AFF2: variants seen among roughly 807,000 people sequenced by gnomAD.
The protein encoded by AFF2 is AF4/FMR2 family member 2.
AFF2 carries 14 observed loss-of-function variants against 76.9 expected under a neutral mutation model. The observed-to-expected ratio is 0.18, with a 90% CI of 0.12 to 0.28. The LOEUF is 0.28. Ranked by LOEUF, AFF2 falls within the 10% of genes least tolerant of loss-of-function variation. The pLI, the probability that AFF2 is intolerant of heterozygous loss-of-function variation, is 1.00. For synonymous variants in AFF2, 398 were observed against 366.7 expected (o/e 1.09, Z -0.98); for missense variants, 868 against 1,001.1 (o/e 0.87, Z 1.79).
chrX:148,688,170 G>C (rs1557260481), intron 3 of AFF2, among the ~76,000 whole-genome samples: 1 of 111,200 alleles, frequency 9.0e-6, no homozygotes, highest in Non-Finnish European at 1.9e-5. Context: ...TTCTGCTGCT[G>C]GTTTTCTTAC....
intron 1 of AFF2, among the ~76,000 whole-genome samples, chrX:148,521,414 A>ACACACACACACT (rs782717428): frequency 9.7e-6 from 1 of 103,104 alleles, no homozygotes; most frequent in African/African-American, 3.6e-5. Flanking sequence ...ACACACACTC[A>ACACACACACACT]CTGAGACTTT....
intron 1 of AFF2, among the ~76,000 whole-genome samples, chrX:148,645,822 G>A (rs1366295917): frequency 1.8e-5 from 2 of 112,126 alleles, no homozygotes; most frequent in African/African-American, 3.2e-5. Flanking sequence ...ACCTTAAGGA[G>A]GGAAAAGTCT....
chrX:148,856,436 G>A (rs1169693028), intron 7 of AFF2, among the ~76,000 whole-genome samples: 1 of 111,370 alleles, frequency 9.0e-6, no homozygotes, highest in Non-Finnish European at 1.9e-5. Flanking sequence ...AGTAATGATG[G>A]ATTCATTACT....
At chrX:148,922,948 T>A (rs1557283384) in intron 9 of AFF2, among the ~76,000 whole-genome samples, 1 of 112,157 alleles carries the variant, frequency 8.9e-6, no homozygotes, top group Non-Finnish European at 1.9e-5. Context: ...CAAGATGTAT[T>A]CTCTTACTTC....
chrX:148,790,560 C>A (rs1400051945), intron 3 of AFF2, among the ~76,000 whole-genome samples: 3 of 110,680 alleles, frequency 2.7e-5, no homozygotes, highest in Non-Finnish European at 5.7e-5. Context: ...GAGTTGGAAG[C>A]CATTATCCTC....
At chrX:148,577,977 T>A (rs1002127378) in intron 1 of AFF2, among the ~76,000 whole-genome samples, 3 of 112,511 alleles carry the variant, frequency 2.7e-5, no homozygotes, top group Non-Finnish European at 3.8e-5. Flanking sequence ...TCTGCGATTC[T>A]TTTTGGAATT....
chrX:148,976,554 G>A (rs2072328612), intron 16 of AFF2, among the ~76,000 whole-genome samples: 1 of 112,117 alleles, frequency 8.9e-6, no homozygotes, highest in Non-Finnish European at 1.9e-5. Context: ...CCACTATCAA[G>A]TCACTTCAAA....
intron 1 of AFF2, among the ~76,000 whole-genome samples, chrX:148,510,989 C>T (rs2052476675): frequency 8.9e-6 from 1 of 111,793 alleles, no homozygotes; most frequent in South Asian, 3.7e-4. Flanking sequence ...GGTGTGTTGC[C>T]TTGCCTTCTG....
At chrX:148,515,357 A>G (rs2052523731) in intron 1 of AFF2, among the ~76,000 whole-genome samples, 3 of 112,333 alleles carry the variant, frequency 2.7e-5, no homozygotes, top group Admixed American at 1.9e-4. Context: ...TTTTCAATGA[A>G]ATGAAAAGAC....
chrX:148,781,684 A>C (rs1223047351), intron 3 of AFF2, among the ~76,000 whole-genome samples: 1 of 111,738 alleles, frequency 8.9e-6, no homozygotes, highest in Non-Finnish European at 1.9e-5. Context: ...CCCTGGCTTC[A>C]GCCTTCTTTC....
rs181127891 is a variant in AFF2, at chrX:148,642,621, A to G, written c.48-9378A>G. On this transcript the variant is annotated intron_variant, in intron 1 of 20. Coordinates refer to ENST00000370460, the MANE Select transcript of AFF2 (RefSeq NM_002025.4). Reference sequence around the variant, plus strand: ...AGAAGCAACTGGTATGGAACTTGGGACGTGGCGCATGGGATGAAGCCAGGA... The same window carrying G: ...AGAAGCAACTGGTATGGAACTTGGGGCGTGGCGCATGGGATGAAGCCAGGA... Among the ~76,000 whole-genome samples the G allele has an allele frequency of 4.5e-5, 5 of 111,828 alleles. No homozygotes were observed. In the East Asian group the frequency reaches 1.1e-3, roughly 25 times the overall value.
chrX:148,679,427 A>C (rs1258134565), intron 3 of AFF2, among the ~76,000 whole-genome samples: 1 of 110,352 alleles, frequency 9.1e-6, no homozygotes, highest in Non-Finnish European at 1.9e-5. Context: ...TGAATAAGCC[A>C]TTATGCATTT....
intron 1 of AFF2, among the ~76,000 whole-genome samples, chrX:148,574,531 C>G (rs1557243059): frequency 9.0e-6 from 1 of 111,542 alleles, no homozygotes; most frequent in Admixed American, 9.6e-5. Flanking sequence ...TAGGAGCACA[C>G]AGATTCATTC....
chrX:148,582,533 C>T, intron 1 of AFF2, among the ~76,000 whole-genome samples: 1 of 111,615 alleles, frequency 9.0e-6, no homozygotes, highest in Non-Finnish European at 1.9e-5. Flanking sequence ...AAAATCAAAA[C>T]CACAGTGAGA....
chrX:148,768,145 C>T (rs2069541603), intron 3 of AFF2, among the ~76,000 whole-genome samples: 1 of 108,614 alleles, frequency 9.2e-6, no homozygotes, highest in Admixed American at 1.0e-4. Context: ...ATTTGTCTCT[C>T]TTCTGAAGTT....
chrX:148,931,332 TA>T (rs1233452830), intron 9 of AFF2, among the ~76,000 whole-genome samples: 1 of 108,934 alleles, frequency 9.2e-6, no homozygotes, highest in Non-Finnish European at 1.9e-5. Context: ...AGTTATTTCA[TA>T]GTATCTGCCC....
intron 9 of AFF2, among the ~76,000 whole-genome samples, chrX:148,946,931 G>A (rs1557286137): frequency 8.9e-6 from 1 of 111,849 alleles, no homozygotes; most frequent in African/African-American, 3.3e-5. Flanking sequence ...AAATCTCCTT[G>A]GCTATATAAA....
intron 1 of AFF2, among the ~76,000 whole-genome samples, chrX:148,580,369 C>T (rs1002515095): frequency 5.4e-5 from 6 of 110,959 alleles, no homozygotes; most frequent in Admixed American, 1.9e-4. Flanking sequence ...AAATATCCGT[C>T]ATTGGATATT....
intron 1 of AFF2, among the ~76,000 whole-genome samples, chrX:148,583,010 A>G (rs944103819): frequency 6.2e-5 from 7 of 112,145 alleles, no homozygotes; most frequent in African/African-American, 2.3e-4. Flanking sequence ...AAAAGGCCAC[A>G]TATTGTATGA....
Sources: gnomAD v4.1 joint callset for allele counts (sites outside exome capture counted in the v4.1 genomes callset) on GRCh38, gnomAD v4.1.1 for gene constraint, MANE v1.5 for transcripts, NCBI Gene and HGNC (gene_info 2026-07-23, HGNC 2026-07-21) for gene names.